The following ZIM3 variants were observed in gnomAD, a reference collection of about 807,000 sequenced individuals.
The protein encoded by ZIM3 is zinc finger protein 657.
Under a neutral mutation model 12.9 loss-of-function variants are expected in ZIM3, and 11 were observed. That is an observed-to-expected ratio of 0.85 (90% CI 0.54 to 1.41). The LOEUF (loss-of-function observed/expected upper bound fraction) is 1.41, where lower values mean the gene tolerates loss of function less well. Among genes scored for constraint, ZIM3 ranks in the 40% most tolerant of loss-of-function variants. The probability of loss-of-function intolerance (pLI) is 0.00; values close to 1 mark genes in which losing one functional copy is unlikely to be tolerated. For synonymous variants in ZIM3, 205 were observed against 198.5 expected (o/e 1.03, Z -0.28); for missense variants, 604 against 557.2 (o/e 1.08, Z -0.85).
chr19:57,139,124 C>T (rs577713944), intron 2 of ZIM3, among the ~76,000 whole-genome samples: 76 of 152,100 alleles, frequency 5.0e-4, no homozygotes, highest in East Asian at 2.3e-3. Flanking sequence ...GTCAGGAGTT[C>T]GAGACCAGTC....
intron 2 of ZIM3, among the ~76,000 whole-genome samples, chr19:57,140,455 G>C (rs370031404): frequency 7.6e-4 from 115 of 151,570 alleles, no homozygotes; most frequent in African/African-American, 2.7e-3. Flanking sequence ...GGATTAAAGG[G>C]ATGAGCCACC....
rs746881493 is a variant in ZIM3 at position 57,140,478 on chromosome 19, T to G, written c.16-1880A>C. On this transcript the variant is annotated intron_variant, in intron 2 of 4. Coordinates refer to ENST00000269834, the MANE Select transcript of ZIM3 (RefSeq NM_052882.1). ...GGGATGAGCCACCGCACCCGGCCTTTTTTTTTAAATTTTTGACACAGGTTC... is the reference window on the plus strand; with the variant it reads ...GGGATGAGCCACCGCACCCGGCCTTGTTTTTTAAATTTTTGACACAGGTTC... Among the ~76,000 whole-genome samples, 79 of 150,508 alleles carry G rather than the reference T, an allele frequency of 5.2e-4. 1 individual carries two copies. Among genetic ancestry groups the G allele is most frequent in the South Asian group, 4.2e-4 (2 of 4,726 alleles).
chr19:57,140,014 A>G (rs1284663892), intron 2 of ZIM3, among the ~76,000 whole-genome samples: 1 of 152,026 alleles, frequency 6.6e-6, no homozygotes, highest in African/African-American at 2.4e-5. Context: ...CTGCCACTCA[A>G]CACTCACAGT....
intron 2 of ZIM3, among the ~76,000 whole-genome samples, chr19:57,140,231 C>T (rs77161334): frequency 0.058 from 8,782 of 152,104 alleles, 698 homozygotes; most frequent in East Asian, 0.41. Context: ...GGCTGGAGTG[C>T]AGTGGCACAA....
At chr19:57,141,184 C>G (rs974361852) in intron 2 of ZIM3, among the ~76,000 whole-genome samples, 1 of 152,048 alleles carries the variant, frequency 6.6e-6, no homozygotes, top group Non-Finnish European at 1.5e-5. Context: ...CACCTGAGGT[C>G]AGGAGTTCGA....
Position 57,136,738 on chromosome 19 carries a change from G to A in ZIM3, c.241+135C>T, listed in dbSNP as rs2086888944. ...GATAAGAATGTAAAGAAATTTCTGA[G>A]TGGAGAAAAATACCTGGAGATTTCT... On this transcript the variant is annotated intron_variant, in intron 4 of 4. Coordinates refer to ENST00000269834, the MANE Select transcript of ZIM3 (RefSeq NM_052882.1). 2.8e-5 allele frequency: 18 copies of A among 644,666 alleles called. No homozygotes were observed. In the South Asian group the frequency reaches 3.3e-4, roughly 12 times the overall value. The allele number at this position is 644,666 out of a possible 1,614,324, so 39.9% of individuals were successfully genotyped here.
chr19:57,137,300 T>C (rs12609596), intron 3 of ZIM3, among the ~76,000 whole-genome samples: 8,767 of 152,092 alleles, frequency 0.058, 729 homozygotes, highest in East Asian at 0.42. Flanking sequence ...ACATGTTACA[T>C]GTAACATGAA....
In ZIM3 at chr19:57,144,991, C is replaced by G. The variant is rs1281665638; in HGVS notation, c.-175G>C. The G allele has an allele frequency of 6.6e-6, 1 of 152,114 alleles. No homozygotes were observed. The highest frequency in any genetic ancestry group is 1.5e-5 in the Non-Finnish European group (1 of 68,022). 9.4% of individuals were successfully genotyped at this position (152,114 alleles called of 1,614,324 possible). A position where few individuals can be genotyped will look rare whatever the true frequency, so the allele number is the denominator to read the frequency against. The stretch of plus-strand genomic sequence containing the variant: ...CACTAATGACTAAAACTTAATCGGC[C>G]CTCTACCCGCTGTATTCCGCATCAT... On this transcript the variant is annotated 5_prime_UTR_variant, in exon 1 of 5. Coordinates refer to ENST00000269834, the MANE Select transcript of ZIM3 (RefSeq NM_052882.1).
chr19:57,137,460 A>G (rs1482562062), intron 3 of ZIM3, among the ~76,000 whole-genome samples: 1 of 151,688 alleles, frequency 6.6e-6, no homozygotes, highest in Non-Finnish European at 1.5e-5. Flanking sequence ...TGCCTGTAAT[A>G]CCAGAACTTT....
intron 2 of ZIM3, among the ~76,000 whole-genome samples, chr19:57,141,984 T>A (rs2122669866): frequency 6.6e-6 from 1 of 152,242 alleles, no homozygotes; most frequent in South Asian, 2.1e-4. Flanking sequence ...CTAGTTTTAG[T>A]GAGTTAGGGA....
intron 1 of ZIM3, among the ~76,000 whole-genome samples, chr19:57,144,213 G>A (rs1163991901): frequency 6.6e-6 from 1 of 151,810 alleles, no homozygotes; most frequent in Non-Finnish European, 1.5e-5. Flanking sequence ...TACCACATCA[G>A]CTAACTTTTT....
chr19:57,142,740 G>T, intron 1 of ZIM3, 55 bp from the exon 2 acceptor site: 2 of 1,391,576 alleles, frequency 1.4e-6, no homozygotes, highest in Non-Finnish European at 2.0e-6. Flanking sequence ...TGGAAGTTGG[G>T]GATCATCCAG....
At chr19:57,140,509 C>G (rs2086909219) in intron 2 of ZIM3, among the ~76,000 whole-genome samples, 1 of 149,602 alleles carries the variant, frequency 6.7e-6, no homozygotes, top group Non-Finnish European at 1.5e-5. Flanking sequence ...GGTTCTTGCT[C>G]TGCCACCCAG....
Position 57,138,076 on chromosome 19 carries a change from A to AGGT in ZIM3, c.142+395_142+396insACC, listed in dbSNP as rs1568458939. Reference sequence around the variant, plus strand: ...GAAAGAAGGAAGGAAGGAAGGAAGGAAAGAAGGGAGGTAGGAAGGGAGGAA... The same window carrying AGGT: ...GAAAGAAGGAAGGAAGGAAGGAAGGAGGTAAGAAGGGAGGTAGGAAGGGAGGAA... On this transcript the variant is annotated intron_variant, in intron 3 of 4. Transcript: ENST00000269834. Among the ~76,000 whole-genome samples the AGGT allele has an allele frequency of 9.6e-4, 89 of 92,946 alleles. 5 individuals carry two copies. The East Asian group carries it at 0.045, about 47-fold the overall frequency. 61.0% of individuals were successfully genotyped at this position (92,946 alleles called of 152,430 possible). A position where few individuals can be genotyped will look rare whatever the true frequency, so the allele number is the denominator to read the frequency against.
rs759717396 is a variant in ZIM3, at chr19:57,135,182, A to G, written c.1155T>C (p.His385=). The change falls in exon 5 of 5, where the codon CAT becomes CAC. Residue 385 remains histidine, a synonymous_variant. Coordinates refer to ENST00000269834, the MANE Select transcript of ZIM3 (RefSeq NM_052882.1). ...KKNLIQHKKI[H]TGEKPYECNR... ...TACATTCATAGGGCTTTTCCCCAGTATGGATTTTTTTATGTTGAATGAGGT... is the reference window on the plus strand; with the variant it reads ...TACATTCATAGGGCTTTTCCCCAGTGTGGATTTTTTTATGTTGAATGAGGT... 3.1e-6 allele frequency: 5 copies of G among 1,613,764 alleles called. No homozygotes were observed. The highest frequency in any genetic ancestry group is 1.6e-4 in the Middle Eastern group (1 of 6,082).
chr19:57,144,358 GT>G (rs1247477523), intron 1 of ZIM3, among the ~76,000 whole-genome samples: 3 of 152,086 alleles, frequency 2.0e-5, no homozygotes, highest in African/African-American at 4.8e-5. Flanking sequence ...CAGGAATAAA[GT>G]TTTAAATAAG....
intron 1 of ZIM3, among the ~76,000 whole-genome samples, chr19:57,143,198 G>A (rs12611316): frequency 0.084 from 12,772 of 151,972 alleles, 1,054 homozygotes; most frequent in East Asian, 0.39. Flanking sequence ...AGGCGTGGTG[G>A]CGGGCGCCTG....
At position 57,138,553 on chromosome 19, in the gene ZIM3, C is replaced by A. The variant is rs768960598; in HGVS notation, c.61G>T (p.Glu21Ter). ...EDVTVNFTQG[E>*]WQRLNPEQRN... is the part of the protein sequence containing the mutation. ...TGTTCGGGATTCAGCCGCTGCCACT[C>A]CCCCTGGGTGAAGTTCACAGTGACA... The change falls in exon 3 of 5, where the codon GAG becomes TAG. Residue 21 changes from glutamate (E) to a stop codon, truncating the protein, a stop_gained. Transcript: ENST00000269834. LOFTEE classifies it high-confidence loss of function. 2.5e-6 allele frequency: 4 copies of A among 1,613,926 alleles called. No individual in the cohort carries two copies. The highest frequency in any genetic ancestry group is 2.7e-5 in the African/African-American group (2 of 74,920).
Position 57,135,369 on chromosome 19 carries a change from A to T in ZIM3, c.968T>A (p.Val323Glu). ...TCCCGTGTGTATTCTCTGGTGTTTCACAAGATCTGACTTGTAAATGAAAGC... is the reference window on the plus strand; with the variant it reads ...TCCCGTGTGTATTCTCTGGTGTTTCTCAAGATCTGACTTGTAAATGAAAGC... ...GKAFIYKSDLVKHQRIHTGEK... is the reference protein window; with the variant it reads ...GKAFIYKSDLEKHQRIHTGEK... The change falls in exon 5 of 5, where the codon GTG becomes GAG. Residue 323 changes from valine (V) to glutamate (E), a missense_variant. Val to Glu is a moderately radical substitution (Grantham distance 121, BLOSUM62 -2). Coordinates refer to ENST00000269834, the MANE Select transcript of ZIM3 (RefSeq NM_052882.1). 1 of 1,613,936 alleles carries T rather than the reference A, an allele frequency of 6.2e-7. No individual in the cohort carries two copies. The highest frequency in any genetic ancestry group is 8.5e-7 in the Non-Finnish European group (1 of 1,179,890).
Sources: gnomAD v4.1 joint callset for allele counts (sites outside exome capture counted in the v4.1 genomes callset) on GRCh38, gnomAD v4.1.1 for gene constraint, MANE v1.5 for transcripts, NCBI Gene and HGNC (gene_info 2026-07-23, HGNC 2026-07-21) for gene names.